DCC: variants seen among roughly 807,000 people sequenced by gnomAD.
The protein encoded by DCC is DCC netrin 1 receptor.
A neutral mutation model predicts 172.5 loss-of-function variants in DCC; 58 were observed. The observed-to-expected ratio is 0.34, with a 90% confidence interval of 0.27 to 0.42. DCC has a LOEUF of 0.42. Ranked by LOEUF, DCC falls within the 10% of genes least tolerant of loss-of-function variation. The pLI is 1.00. For synonymous variants in DCC, 709 were observed against 644.5 expected (o/e 1.10, Z -1.52); for missense variants, 1,740 against 1,791.0 (o/e 0.97, Z 0.51).
intron 1 of DCC, among the ~76,000 whole-genome samples, chr18:52,442,979 G>A (rs1988014918): frequency 1.3e-5 from 2 of 151,838 alleles, no homozygotes; most frequent in African/African-American, 4.8e-5. Flanking sequence ...GGAAAATAGG[G>A]CCCAAGATTC....
At chr18:52,671,809 T>C (rs2035559075) in intron 1 of DCC, among the ~76,000 whole-genome samples, 1 of 152,156 alleles carries the variant, frequency 6.6e-6, no homozygotes, top group Admixed American at 6.5e-5. Flanking sequence ...TTTCCAGGAT[T>C]ACAGGCATGA....
intron 25 of DCC, among the ~76,000 whole-genome samples, chr18:53,472,883 A>C (rs1195932094): frequency 6.6e-6 from 1 of 152,228 alleles, no homozygotes; most frequent in Non-Finnish European, 1.5e-5. Context: ...AAACGTTTTT[A>C]GCATATCATA....
intron 1 of DCC, among the ~76,000 whole-genome samples, chr18:52,383,888 G>A (rs1985688451): frequency 6.6e-6 from 1 of 151,948 alleles, no homozygotes; most frequent in Non-Finnish European, 1.5e-5. Context: ...TTCTTTAGCT[G>A]GAACAGCACC....
chr18:52,772,217 G>A (rs1200487691), intron 2 of DCC, among the ~76,000 whole-genome samples: 1 of 152,100 alleles, frequency 6.6e-6, no homozygotes, highest in East Asian at 1.9e-4. Flanking sequence ...ATATCTCTTG[G>A]TTTAGGAACT....
chr18:52,778,365 ATTT>A (rs2037472174), intron 2 of DCC, among the ~76,000 whole-genome samples: 1 of 152,096 alleles, frequency 6.6e-6, no homozygotes. Context: ...AATAAATAGA[ATTT>A]TTTAATTTTT....
At chr18:52,584,037 C>T (rs2033616367) in intron 1 of DCC, among the ~76,000 whole-genome samples, 2 of 152,128 alleles carry the variant, frequency 1.3e-5, no homozygotes, top group South Asian at 4.1e-4. Context: ...GCATTTTTTT[C>T]ATAGCTGAAT....
intron 1 of DCC, among the ~76,000 whole-genome samples, chr18:52,554,501 G>A (rs2032857264): frequency 6.6e-6 from 1 of 152,222 alleles, no homozygotes; most frequent in East Asian, 1.9e-4. Flanking sequence ...TCCTGACTTT[G>A]ACTTTACAAA....
chr18:53,521,735 A>C (rs749938164), intron 27 of DCC, among the ~76,000 whole-genome samples: 4 of 151,954 alleles, frequency 2.6e-5, no homozygotes, highest in Non-Finnish European at 4.4e-5. Flanking sequence ...TTACATATTA[A>C]ATTGTAAATT....
intron 26 of DCC, among the ~76,000 whole-genome samples, chr18:53,498,809 G>T (rs1388055276): frequency 6.6e-6 from 1 of 152,088 alleles, no homozygotes; most frequent in Non-Finnish European, 1.5e-5. Context: ...GTTATTATTT[G>T]TATCATTTTA....
intron 2 of DCC, among the ~76,000 whole-genome samples, chr18:52,842,582 G>A (rs1036729264): frequency 2.0e-5 from 3 of 152,174 alleles, no homozygotes; most frequent in Non-Finnish European, 4.4e-5. Flanking sequence ...TAGACACCCT[G>A]AAATAATGTT....
chr18:53,208,350 A>T (rs2055689967), intron 11 of DCC, among the ~76,000 whole-genome samples: 1 of 151,866 alleles, frequency 6.6e-6, no homozygotes, highest in Non-Finnish European at 1.5e-5. Flanking sequence ...CTAATAGGTA[A>T]TCCTCAAAAT....
chr18:53,145,215 G>A (rs944236045), intron 7 of DCC, among the ~76,000 whole-genome samples: 1 of 142,390 alleles, frequency 7.0e-6, no homozygotes, highest in African/African-American at 2.6e-5. Flanking sequence ...CCCGGTTCTC[G>A]CCATTCTCCT....
At chr18:52,901,619 A>G (rs1351464788) in intron 2 of DCC, among the ~76,000 whole-genome samples, 3 of 152,174 alleles carry the variant, frequency 2.0e-5, no homozygotes, top group African/African-American at 7.2e-5. Context: ...CCGTTCCCAA[A>G]GTCCTCTAGC....
chr18:53,206,187 T>C (rs1352453234), intron 10 of DCC, among the ~76,000 whole-genome samples: 1 of 137,326 alleles, frequency 7.3e-6, no homozygotes, highest in Non-Finnish European at 1.5e-5. Flanking sequence ...ATAATACATA[T>C]ACGTATACAT....
intron 2 of DCC, among the ~76,000 whole-genome samples, chr18:52,853,089 T>A (rs189742895): frequency 6.6e-6 from 1 of 152,130 alleles, no homozygotes; most frequent in African/African-American, 2.4e-5. Context: ...TCAATTCCAC[T>A]CCTAAGATCA....
At chr18:53,134,257 G>A (rs1231684479) in intron 7 of DCC, among the ~76,000 whole-genome samples, 2 of 152,128 alleles carry the variant, frequency 1.3e-5, no homozygotes, top group African/African-American at 2.4e-5. Flanking sequence ...GATAAAGCAG[G>A]ACATGCACTT....
intron 1 of DCC, among the ~76,000 whole-genome samples, chr18:52,391,989 A>T (rs533472044): frequency 6.6e-6 from 1 of 152,296 alleles, no homozygotes; most frequent in African/African-American, 2.4e-5. Flanking sequence ...GCTATGTGTC[A>T]ACTATTCGAG....
chr18:53,286,719 G>A (rs1331453573), intron 12 of DCC, among the ~76,000 whole-genome samples: 1 of 152,144 alleles, frequency 6.6e-6, no homozygotes, highest in Non-Finnish European at 1.5e-5. Flanking sequence ...ATATTTGTGA[G>A]TACCACGCTT....
intron 1 of DCC, among the ~76,000 whole-genome samples, chr18:52,728,095 G>A (rs902624951): frequency 1.3e-5 from 2 of 152,086 alleles, no homozygotes; most frequent in Admixed American, 1.3e-4. Flanking sequence ...CAGGGTGTTG[G>A]TGTGTATCCA....
Sources: allele counts gnomAD v4.1 joint callset (sites outside exome capture counted in the v4.1 genomes callset), GRCh38; gene constraint gnomAD v4.1.1; transcripts MANE v1.5; gene names NCBI Gene and HGNC (gene_info 2026-07-23, HGNC 2026-07-21).